Variants in ERFE observed in about 807,000 individuals in gnomAD.
The protein encoded by ERFE is erythroferrone.
A neutral mutation model predicts 26.6 loss-of-function variants in ERFE; 25 were observed. The ratio of observed to expected loss-of-function variants is 0.94; its 90% CI spans 0.69 to 1.31. The LOEUF (loss-of-function observed/expected upper bound fraction) is 1.31, where lower values mean the gene tolerates loss of function less well. Ranked by LOEUF, ERFE falls within the 40% of genes most tolerant of loss-of-function variation. The pLI, the probability that ERFE is intolerant of heterozygous loss-of-function variation, is 0.00. For missense variants in ERFE, 447 were observed against 440.2 expected, an observed-to-expected ratio of 1.02 and a Z score of -0.14; for synonymous variants, 206 against 204.5, an observed-to-expected ratio of 1.01 and a Z score of -0.06.
At chr2:238,166,338 GC>G in intron 7 of ERFE, among the ~76,000 whole-genome samples, 1 of 152,344 alleles carries the variant, frequency 6.6e-6, no homozygotes, top group East Asian at 1.9e-4. Context: ...AGGCTGTCTG[GC>G]CCAGAGTCTG....
rs1053529638 is a variant in ERFE at position 238,166,805 on chromosome 2, C to T, written c.967-151C>T. 6.6e-5 allele frequency: 44 copies of T among 667,836 alleles called. No individual in the cohort carries two copies. The African/African-American group carries it at 7.5e-4, about 11-fold the overall frequency. 41.4% of individuals were successfully genotyped at this position (667,836 alleles called of 1,614,324 possible). ...GGCCCAACCCGTGCGGGCCCTTGCT[C>T]TGTGACCTTGGCGGCCACATTCTTC... On this transcript the variant is annotated intron_variant, in intron 7 of 7. Coordinates refer to ENST00000546354, the MANE Select transcript of ERFE (RefSeq NM_001291832.2).
chr2:238,166,908 T>C, intron 7 of ERFE, 48 bp from the exon 8 acceptor site: 1 of 1,494,224 alleles, frequency 6.7e-7, no homozygotes, highest in Non-Finnish European at 9.1e-7. Flanking sequence ...GGGTCACCTC[T>C]GCAGGCTGTT....
intron 1 of ERFE, among the ~76,000 whole-genome samples, chr2:238,160,910 A>C (rs1465069826): frequency 6.6e-6 from 1 of 152,198 alleles, no homozygotes; most frequent in Non-Finnish European, 1.5e-5. Context: ...AACTGTGCTC[A>C]GTGTCAGCAT....
intron 2 of ERFE, among the ~76,000 whole-genome samples, chr2:238,162,402 G>T (rs879322203): frequency 6.6e-6 from 1 of 152,204 alleles, no homozygotes; most frequent in Non-Finnish European, 1.5e-5. Context: ...GTGGACTCGG[G>T]CCCAGTGCAG....
In ERFE at chr2:238,165,695, C is replaced by T; in HGVS notation, c.966+11C>T. 1 of 1,545,122 alleles carries T rather than the reference C, an allele frequency of 6.5e-7. No individual in the cohort carries two copies. Among genetic ancestry groups the T allele is most frequent in the Non-Finnish European group, 8.8e-7 (1 of 1,142,760 alleles). On this transcript the variant is annotated intron_variant, in intron 7 of 7. Coordinates refer to ENST00000546354, the MANE Select transcript of ERFE (RefSeq NM_001291832.2). ...GTCCTGTACCTGCAGGTGAGTGCGGCAGGCTTGGGCATCGAGGGGCACCGC... is the reference window on the plus strand; with the variant it reads ...GTCCTGTACCTGCAGGTGAGTGCGGTAGGCTTGGGCATCGAGGGGCACCGC...
At chr2:238,161,908 C>T (rs1368155191) in intron 2 of ERFE, among the ~76,000 whole-genome samples, 192 bp downstream of exon 2, 2 of 152,232 alleles carry the variant, frequency 1.3e-5, no homozygotes, top group Non-Finnish European at 2.9e-5. Context: ...CAACCATTTC[C>T]CCACACCCCT....
chr2:238,159,470 G>C (rs1325857630), intron 1 of ERFE, among the ~76,000 whole-genome samples: 3 of 152,230 alleles, frequency 2.0e-5, no homozygotes, highest in African/African-American at 7.2e-5. Context: ...TTTCTTTTGG[G>C]ACAGAAGGAA....
At chr2:238,164,826 GGGC>G (rs1693008285) in intron 6 of ERFE, 1 of 166,204 alleles carries the variant, frequency 6.0e-6, no homozygotes, top group Non-Finnish European at 1.3e-5. Flanking sequence ...ACTCCAGCCT[GGGC>G]AACAGAGCGA....
chr2:238,165,661 G>A lies in ERFE; in HGVS notation c.943G>A (p.Val315Met), dbSNP rs902808460. ...ESSSELFTIS[V>M]NGVLYLQMGQ... is the part of the protein sequence containing the mutation. ...CAGCAGTGAGCTCTTCACCATCTCT[G>A]TGAATGGCGTCCTGTACCTGCAGGT... is the stretch of plus-strand genomic sequence containing the variant. The change falls in exon 7 of 8, where the codon GTG (valine) becomes ATG (methionine). Residue 315 changes from valine (V) to methionine (M), a missense_variant. By Grantham distance (21) the Val-to-Met change is conservative. Transcript: ENST00000546354. 1.3e-6 allele frequency: 2 copies of A among 1,549,568 alleles called. No homozygotes were observed. The highest frequency in any genetic ancestry group is 2.7e-5 in the African/African-American group (2 of 73,048).
chr2:238,167,736 T>TTAAC lies in ERFE; in HGVS notation c.*684_*687dup. The TTAAC allele has an allele frequency of 3.3e-6, 1 of 304,972 alleles. No individual in the cohort carries two copies. The allele number at this position is 304,972 out of a possible 1,614,324, so 18.9% of individuals were successfully genotyped here. On this transcript the variant is annotated 3_prime_UTR_variant, in exon 8 of 8. Transcript: ENST00000546354. ...GCTTCTAGTTCTAATGTGTGCAAGA[T>TTAAC]TAACTCACAAATTCACCTCAGAAGG...
In ERFE at chr2:238,162,854, G is replaced by A. The variant is rs575194461; in HGVS notation, c.424+16G>A. The A allele has an allele frequency of 1.4e-5, 22 of 1,536,066 alleles. No individual in the cohort carries two copies. Among genetic ancestry groups the A allele is most frequent in the Middle Eastern group, 1.7e-4 (1 of 5,952 alleles). ...CTGCTGAAAGGTAGGGGTGTGCACC[G>A]GCTGGGACACACACACCCCGCTGTG... is the stretch of plus-strand genomic sequence containing the variant. On this transcript the variant is annotated intron_variant, in intron 3 of 7. Coordinates refer to ENST00000546354, the MANE Select transcript of ERFE (RefSeq NM_001291832.2).
chr2:238,163,624 C>T (rs1317196205), intron 3 of ERFE, 113 bp from the exon 4 acceptor site: 2 of 1,191,168 alleles, frequency 1.7e-6, no homozygotes, highest in South Asian at 4.2e-5. Context: ...CCTCGCCCCA[C>T]CCCTGCGCCC....
At chr2:238,164,208 C>T in intron 5 of ERFE, 25 bp downstream of exon 5, 3 of 1,432,034 alleles carry the variant, frequency 2.1e-6, no homozygotes, top group Non-Finnish European at 2.7e-6. Context: ...GTGGGAGGAT[C>T]GCCCGCTCTG....
rs1693067740 is a variant in ERFE at position 238,167,706 on chromosome 2, G to A, written c.*652G>A. ...GGCCTTTGGGGGACAGTAAGTCTGG[G>A]CCCAGCTTCTAGTTCTAATGTGTGC... On this transcript the variant is annotated 3_prime_UTR_variant, in exon 8 of 8. Transcript: ENST00000546354. 2.9e-6 allele frequency: 1 copy of A among 340,590 alleles called. No individual in the cohort carries two copies. Among genetic ancestry groups the A allele is most frequent in the African/African-American group, 2.1e-5 (1 of 46,522 alleles). 21.1% of individuals were successfully genotyped at this position (340,590 alleles called of 1,614,324 possible). A position where few individuals can be genotyped will look rare whatever the true frequency, so the allele number is the denominator to read the frequency against.
chr2:238,165,711 G>A (rs1693023841), intron 7 of ERFE, 27 bp downstream of exon 7: 2 of 1,542,022 alleles, frequency 1.3e-6, no homozygotes, highest in African/African-American at 1.4e-5. Context: ...TGGGCATCGA[G>A]GGGCACCGCC....
rs117199696 is a variant in ERFE, at chr2:238,161,636, G to A, written c.241G>A (p.Ala81Thr). The change falls in exon 2 of 8, where the codon GCC becomes ACC. Residue 81 changes from alanine to threonine, a missense_variant. Coordinates refer to ENST00000546354, the MANE Select transcript of ERFE (RefSeq NM_001291832.2). ...ERAHSVDPRD[A>T]WMLFVRQSDK... is the part of the protein sequence containing the mutation. ...TGCACACAGCGTCGACCCCCGGGAC[G>A]CCTGGATGCTCTTCGTCAGGCAGAG... 12 of 1,546,532 alleles carry A rather than the reference G, an allele frequency of 7.8e-6. No individual in the cohort carries two copies. In the African/African-American group the frequency reaches 1.1e-4, roughly 14 times the overall value.
Position 238,163,988 on chromosome 2 carries a change from G to T in ERFE, c.676G>T (p.Val226Phe). The change falls in exon 4 of 8, where the codon GTC becomes TTC. Residue 226 changes from valine (V) to phenylalanine (F), a missense_variant. Val to Phe is a conservative substitution (Grantham distance 50). Transcript: ENST00000546354. ...VERRALHELGVYYLPDAEGAF... is the reference protein window; with the variant it reads ...VERRALHELGFYYLPDAEGAF... ...GCGGCGCGCGCTGCACGAGCTTGGC[G>T]TCTACTACCTGGTGAGTGCCGGCGC... is the stretch of plus-strand genomic sequence containing the variant. 2 of 1,389,836 alleles carry T rather than the reference G, an allele frequency of 1.4e-6. No individual in the cohort carries two copies. Among genetic ancestry groups the T allele is most frequent in the Non-Finnish European group, 1.9e-6 (2 of 1,078,688 alleles). The allele number at this position is 1,389,836 out of a possible 1,614,324, so 86.1% of individuals were successfully genotyped here. A position where few individuals can be genotyped will look rare whatever the true frequency, so the allele number is the denominator to read the frequency against.
chr2:238,164,174 C>G lies in ERFE; in HGVS notation c.787C>G (p.Leu263Val), dbSNP rs1692992002. 2 of 1,441,844 alleles carry G rather than the reference C, an allele frequency of 1.4e-6. No homozygotes were observed. Among genetic ancestry groups the G allele is most frequent in the East Asian group, 5.7e-5 (2 of 34,856 alleles). 89.3% of individuals were successfully genotyped at this position (1,441,844 alleles called of 1,614,324 possible). A position where few individuals can be genotyped will look rare whatever the true frequency, so the allele number is the denominator to read the frequency against. Residue 263 changes from leucine to valine, a missense_variant, in exon 5 of 8, where the codon CTG (leucine) becomes GTG (valine). Physicochemically the swap from Leu to Val is conservative, Grantham distance 32 (BLOSUM62 1). Transcript: ENST00000546354. ...VAGFYALAAT[L>V]HVALGEPPRR... is the part of the protein sequence containing the mutation. ...TGGCTTCTACGCTCTCGCCGCCACG[C>G]TGCACGTGGGTGAGGCCCGGGGCGT...
rs925085996 is a variant in ERFE, at chr2:238,164,077, C to T, written c.690C>T (p.Pro230=). ...ALHELGVYYL[P]DAEGAFRRGP... is the part of the protein sequence containing the mutation. The stretch of plus-strand genomic sequence containing the variant: ...GTGACCATCCGTGCCCCTCGCAGCC[C>T]GACGCCGAGGGTGCCTTCCGCCGCG... Residue 230 remains proline (P), a splice_region_variant and synonymous_variant, in exon 5 of 8, where the codon CCC becomes CCT. Coordinates refer to ENST00000546354, the MANE Select transcript of ERFE (RefSeq NM_001291832.2). 5.1e-5 allele frequency: 72 copies of T among 1,418,754 alleles called. No individual in the cohort carries two copies. The highest frequency in any genetic ancestry group is 1.5e-4 in the African/African-American group (10 of 66,686). 87.9% of individuals were successfully genotyped at this position (1,418,754 alleles called of 1,614,324 possible). A position where few individuals can be genotyped will look rare whatever the true frequency, so the allele number is the denominator to read the frequency against.
Sources: allele counts gnomAD v4.1 joint callset (sites outside exome capture counted in the v4.1 genomes callset), GRCh38; gene constraint gnomAD v4.1.1; transcripts MANE v1.5; gene names NCBI Gene and HGNC (gene_info 2026-07-23, HGNC 2026-07-21).